Variants in CUX2 observed in about 807,000 individuals in gnomAD.
CUX2 encodes the protein cut like homeobox 2.
CUX2 carries 40 observed loss-of-function variants against 144.8 expected under a neutral mutation model. That is an observed-to-expected ratio of 0.28 (90% CI 0.21 to 0.36). The LOEUF (loss-of-function observed/expected upper bound fraction) is 0.36. Ranked by LOEUF, CUX2 falls within the 10% of genes least tolerant of loss-of-function variation. The pLI is 1.00. For missense variants in CUX2, 1,615 were observed against 1,994.0 expected, an observed-to-expected ratio of 0.81 and a Z score of 3.62; for synonymous variants, 827 against 875.6, an observed-to-expected ratio of 0.94 and a Z score of 0.98.
At chr12:111,259,073 T>TTGTG (rs72357793) in intron 3 of CUX2, among the ~76,000 whole-genome samples, 2 of 89,120 alleles carry the variant, frequency 2.2e-5, no homozygotes, top group Non-Finnish European at 4.6e-5. Context: ...GTGTGTGTGT[T>TTGTG]TGTGTGTGTG....
At chr12:111,108,721 C>T (rs1304561529) in intron 1 of CUX2, among the ~76,000 whole-genome samples, 2 of 120,678 alleles carry the variant, frequency 1.7e-5, no homozygotes, top group Admixed American at 7.4e-5. Context: ...CCACTCTCCT[C>T]GCCCCACTCT....
chr12:111,339,044 C>T (rs1888471877), intron 20 of CUX2, among the ~76,000 whole-genome samples: 1 of 151,868 alleles, frequency 6.6e-6, no homozygotes, highest in South Asian at 2.1e-4. Context: ...ACCAATTTGG[C>T]CAATATGGCA....
At chr12:111,152,254 C>T (rs1020576865) in intron 1 of CUX2, among the ~76,000 whole-genome samples, 23 of 151,982 alleles carry the variant, frequency 1.5e-4, no homozygotes, top group African/African-American at 4.8e-4. Context: ...CTCTGCACTC[C>T]AGCCTGGGCG....
chr12:111,186,925 C>T lies in CUX2; in HGVS notation c.64-27275C>T, dbSNP rs1487190731. On this transcript the variant is annotated intron_variant, in intron 1 of 21. Transcript: ENST00000261726. This position sits in a 1 kb window ranked among gnomAD's most constrained non-coding sequence, Gnocchi z 4.4. ...TCCTGAGTAGCTGGGATTACAGGCA[C>T]GTGCCACCATGCCTGGCTAATTTTT... 3.3e-5 allele frequency among the ~76,000 whole-genome samples: 5 copies of T among 151,910 alleles called. No individual in the cohort carries two copies. The highest frequency in any genetic ancestry group is 7.3e-5 in the African/African-American group (3 of 41,354).
At chr12:111,103,568 C>T (rs899695366) in intron 1 of CUX2, among the ~76,000 whole-genome samples, 20 of 152,106 alleles carry the variant, frequency 1.3e-4, no homozygotes, top group African/African-American at 4.3e-4. Context: ...CCTGTTGGGG[C>T]CAAGTGAAAG....
intron 18 of CUX2, among the ~76,000 whole-genome samples, chr12:111,329,886 G>A (rs1455884940): frequency 1.3e-5 from 2 of 152,082 alleles, no homozygotes; most frequent in East Asian, 1.9e-4. Context: ...ATCCACCCGC[G>A]TTGGCCTTCC....
intron 4 of CUX2, among the ~76,000 whole-genome samples, chr12:111,276,546 C>T (rs1376168485): frequency 6.6e-6 from 1 of 152,186 alleles, no homozygotes; most frequent in African/African-American, 2.4e-5. Context: ...TGACCTTGAG[C>T]AAGTGGGTTC....
chr12:111,294,239 C>T (rs1885847227), intron 6 of CUX2, among the ~76,000 whole-genome samples: 1 of 152,150 alleles, frequency 6.6e-6, no homozygotes, highest in Non-Finnish European at 1.5e-5. Context: ...TCCCGAGTAG[C>T]TGGGATTACA....
At chr12:111,062,751 C>T (rs1870836076) in intron 1 of CUX2, among the ~76,000 whole-genome samples, 1 of 152,170 alleles carries the variant, frequency 6.6e-6, no homozygotes, top group Non-Finnish European at 1.5e-5. Flanking sequence ...TTACAGGGAC[C>T]AGCTTTAGTC....
chr12:111,283,581 C>T (rs967940288), intron 4 of CUX2, among the ~76,000 whole-genome samples: 4 of 152,192 alleles, frequency 2.6e-5, no homozygotes, highest in Non-Finnish European at 5.9e-5. Flanking sequence ...CTTTTGTTAT[C>T]TCCCTTTTAC....
At chr12:111,114,424 C>T (rs376180799) in intron 1 of CUX2, among the ~76,000 whole-genome samples, 35 of 152,202 alleles carry the variant, frequency 2.3e-4, no homozygotes, top group Non-Finnish European at 4.0e-4. Flanking sequence ...ATATTTTGCC[C>T]ATTGTTTAGT....
intron 1 of CUX2, among the ~76,000 whole-genome samples, chr12:111,196,967 G>A (rs1000721578): frequency 6.6e-6 from 1 of 152,174 alleles, no homozygotes; most frequent in African/African-American, 2.4e-5. Context: ...GGGGCTGCAT[G>A]TACAGGAATA....
intron 1 of CUX2, among the ~76,000 whole-genome samples, chr12:111,173,091 C>T (rs1035981188): frequency 1.3e-5 from 2 of 152,238 alleles, no homozygotes; most frequent in Non-Finnish European, 2.9e-5. Flanking sequence ...TATCTGGAAG[C>T]TGTCTGCACA....
At chr12:111,121,281 G>T (rs1254414994) in intron 1 of CUX2, among the ~76,000 whole-genome samples, 1 of 151,390 alleles carries the variant, frequency 6.6e-6, no homozygotes, top group African/African-American at 2.4e-5. Flanking sequence ...AATTTTAGAT[G>T]CATTAAACAT....
intron 1 of CUX2, among the ~76,000 whole-genome samples, chr12:111,103,613 C>G (rs1017522428): frequency 2.0e-5 from 3 of 152,216 alleles, no homozygotes; most frequent in Non-Finnish European, 4.4e-5. Context: ...CTCAAATAGA[C>G]TTTTCAGGGA....
At chr12:111,169,015 G>A (rs114303818) in intron 1 of CUX2, among the ~76,000 whole-genome samples, 3,280 of 151,656 alleles carry the variant, frequency 0.022, 44 homozygotes, top group Middle Eastern at 0.061. Context: ...AATGGCATCC[G>A]CCAAAATTCA....
At chr12:111,110,445 A>G (rs1311263114) in intron 1 of CUX2, among the ~76,000 whole-genome samples, 1 of 152,098 alleles carries the variant, frequency 6.6e-6, no homozygotes, top group Admixed American at 6.5e-5. Context: ...CCTTCGCCAG[A>G]GTGACTCAAA....
At chr12:111,199,336 C>T (rs1271322890) in intron 1 of CUX2, among the ~76,000 whole-genome samples, 1 of 152,170 alleles carries the variant, frequency 6.6e-6, no homozygotes, top group African/African-American at 2.4e-5. Context: ...GCATTCTGTA[C>T]TTCAGTACTA....
intron 1 of CUX2, among the ~76,000 whole-genome samples, chr12:111,045,825 T>C (rs1232569186): frequency 1.3e-5 from 2 of 152,190 alleles, no homozygotes; most frequent in Non-Finnish European, 2.9e-5. Flanking sequence ...CCCTACCTCA[T>C]AGGGACATTG....
Sources: allele counts gnomAD v4.1 joint callset (sites outside exome capture counted in the v4.1 genomes callset), GRCh38; gene constraint gnomAD v4.1.1; non-coding constraint Gnocchi (gnomAD v3.1); transcripts MANE v1.5; gene names NCBI Gene and HGNC (gene_info 2026-07-23, HGNC 2026-07-21).